SPECC1: variants seen among roughly 807,000 people sequenced by gnomAD.
The protein encoded by SPECC1 is cytospin-B.
Under a neutral mutation model 104.1 loss-of-function variants are expected in SPECC1, and 62 were observed. The observed-to-expected ratio is 0.60, with a 90% confidence interval of 0.49 to 0.74. The LOEUF (loss-of-function observed/expected upper bound fraction) is 0.74. Ranked by LOEUF, SPECC1 falls within the 30% of genes least tolerant of loss-of-function variation. The pLI is 0.00. For synonymous variants in SPECC1, 513 were observed against 501.6 expected (o/e 1.02, Z -0.30); for missense variants, 1,306 against 1,310.5 (o/e 1.00, Z 0.05).
At chr17:20,173,259 TC>T (rs2034221207) in intron 3 of SPECC1, among the ~76,000 whole-genome samples, 1 of 152,238 alleles carries the variant, frequency 6.6e-6, no homozygotes, top group African/African-American at 2.4e-5. Flanking sequence ...CCTAAAGGTT[TC>T]TGTTTTATTT....
chr17:20,098,296 C>G (rs1262257046), intron 2 of SPECC1, among the ~76,000 whole-genome samples: 1 of 152,206 alleles, frequency 6.6e-6, no homozygotes, highest in Non-Finnish European at 1.5e-5. Context: ...CTCCTTTTCT[C>G]ATGTCTCACA....
intron 3 of SPECC1, among the ~76,000 whole-genome samples, chr17:20,195,106 T>G (rs888434156): frequency 1.1e-4 from 16 of 152,182 alleles, no homozygotes; most frequent in Admixed American, 1.0e-3. Context: ...TTCATGAACA[T>G]TTCATCTCTC....
chr17:20,061,113 C>T (rs1356802854), intron 1 of SPECC1, among the ~76,000 whole-genome samples: 1 of 152,150 alleles, frequency 6.6e-6, no homozygotes, highest in African/African-American at 2.4e-5. Flanking sequence ...ACTCTGCCAC[C>T]CAGGCTGGAG....
intron 1 of SPECC1, among the ~76,000 whole-genome samples, chr17:20,040,211 G>A (rs1489584491): frequency 3.9e-5 from 6 of 152,008 alleles, no homozygotes; most frequent in Non-Finnish European, 5.9e-5. Flanking sequence ...ACGTGTGTGT[G>A]TGTATGTAAC....
chr17:20,248,370 G>A (rs1280631673), intron 9 of SPECC1, among the ~76,000 whole-genome samples: 3 of 152,086 alleles, frequency 2.0e-5, no homozygotes, highest in Non-Finnish European at 1.5e-5. Context: ...GCCCTACAAG[G>A]AGATGAGGAT....
intron 3 of SPECC1, among the ~76,000 whole-genome samples, chr17:20,176,904 G>A (rs2034509820): frequency 6.6e-6 from 1 of 152,176 alleles, no homozygotes; most frequent in Non-Finnish European, 1.5e-5. Flanking sequence ...ATTAGGATGT[G>A]GACATATTTG....
chr17:20,062,088 AAAAAAATAC>A (rs1486427661), intron 1 of SPECC1, among the ~76,000 whole-genome samples: 1 of 144,836 alleles, frequency 6.9e-6, no homozygotes, highest in Non-Finnish European at 1.5e-5. Context: ...CGTCTCTGCT[AAAAAAATAC>A]AAAAAATTAG....
chr17:20,175,111 A>AAAG (rs2034378306), intron 3 of SPECC1, among the ~76,000 whole-genome samples: 1 of 152,104 alleles, frequency 6.6e-6, no homozygotes, highest in Non-Finnish European at 1.5e-5. Context: ...AGTTGTCAAG[A>AAAG]AAGTGCGCCT....
intron 1 of SPECC1, among the ~76,000 whole-genome samples, chr17:20,053,568 C>G (rs1046650933): frequency 6.6e-6 from 1 of 152,136 alleles, no homozygotes; most frequent in Non-Finnish European, 1.5e-5. Flanking sequence ...CCTCCTTGCT[C>G]TCTCTCTCAG....
intron 1 of SPECC1, among the ~76,000 whole-genome samples, chr17:20,081,544 G>A (rs2152491300): frequency 6.6e-6 from 1 of 152,168 alleles, no homozygotes; most frequent in South Asian, 2.1e-4. Context: ...TTTGAGCAGA[G>A]GAGTGATGGG....
intron 7 of SPECC1, among the ~76,000 whole-genome samples, chr17:20,234,033 T>C (rs2038759459): frequency 6.6e-6 from 1 of 152,196 alleles, no homozygotes; most frequent in South Asian, 2.1e-4. Flanking sequence ...AGATGCCATG[T>C]TTCTTATGTA....
intron 3 of SPECC1, among the ~76,000 whole-genome samples, chr17:20,181,280 A>ATTTT (rs1268015953): frequency 7.9e-5 from 12 of 152,122 alleles, no homozygotes; most frequent in Non-Finnish European, 1.6e-4. Flanking sequence ...AAAGTACAAA[A>ATTTT]TAAAGAGAAA....
chr17:20,179,447 G>A (rs566620247), intron 3 of SPECC1, among the ~76,000 whole-genome samples: 3 of 152,344 alleles, frequency 2.0e-5, no homozygotes, highest in East Asian at 3.9e-4. Flanking sequence ...GGTCAAGGGG[G>A]CCTCCTAGCT....
chr17:20,282,287 G>T (rs1474637800), intron 12 of SPECC1, among the ~76,000 whole-genome samples: 2 of 152,186 alleles, frequency 1.3e-5, no homozygotes, highest in Non-Finnish European at 2.9e-5. Flanking sequence ...ACATCTCTGG[G>T]ACACAGCCGT....
intron 3 of SPECC1, among the ~76,000 whole-genome samples, chr17:20,138,950 A>G (rs1488819590): frequency 6.6e-6 from 1 of 152,212 alleles, no homozygotes; most frequent in African/African-American, 2.4e-5. Context: ...ACTAGTAAAA[A>G]TAGGGCCAGA....
rs144167205 is a variant in SPECC1, at chr17:20,215,087, C to T, written c.1863+9175C>T. The stretch of plus-strand genomic sequence containing the variant: ...TGCCGATGCAGCCACAGAGGAGATC[C>T]GGGAGCCTCTGCCCTTCCAGGCCAA... On this transcript the variant is annotated intron_variant, in intron 4 of 14. Coordinates refer to ENST00000395527, the MANE Select transcript of SPECC1 (RefSeq NM_001243439.2). 2.4e-3 allele frequency among the ~76,000 whole-genome samples: 359 copies of T among 152,354 alleles called. 1 individual carries two copies. Among genetic ancestry groups the T allele is most frequent in the African/African-American group, 8.3e-3 (346 of 41,576 alleles).
intron 13 of SPECC1, among the ~76,000 whole-genome samples, chr17:20,301,633 T>A (rs1214270042): frequency 1.3e-5 from 2 of 152,168 alleles, no homozygotes; most frequent in Non-Finnish European, 2.9e-5. Flanking sequence ...AACAAGCATG[T>A]CTTCTATGAT....
At chr17:20,189,502 G>C (rs1224144890) in intron 3 of SPECC1, among the ~76,000 whole-genome samples, 1 of 152,098 alleles carries the variant, frequency 6.6e-6, no homozygotes, top group Admixed American at 6.5e-5. Context: ...GATGACTAAT[G>C]GCAGCTGGTT....
In SPECC1 at chr17:20,317,474, G is replaced by T. The variant is rs2042055597; in HGVS notation, c.*3409G>T. On this transcript the variant is annotated 3_prime_UTR_variant, in exon 15 of 15. Coordinates refer to ENST00000395527, the MANE Select transcript of SPECC1 (RefSeq NM_001243439.2). ...CAGTTTCACCATGTTGGCCAGGCTG[G>T]TCTTGAACTCCTGACCTCAAGTGAT... The T allele has an allele frequency of 5.5e-6, 1 of 180,598 alleles. No homozygotes were observed. Among genetic ancestry groups the T allele is most frequent in the Admixed American group, 6.3e-5 (1 of 15,896 alleles). 11.2% of individuals were successfully genotyped at this position (180,598 alleles called of 1,614,324 possible).
Sources: allele counts gnomAD v4.1 joint callset (sites outside exome capture counted in the v4.1 genomes callset), GRCh38; gene constraint gnomAD v4.1.1; transcripts MANE v1.5; gene names NCBI Gene and HGNC (gene_info 2026-07-23, HGNC 2026-07-21).